Variants in MDN1 observed in about 807,000 individuals in gnomAD.
MDN1 encodes the protein midasin AAA ATPase 1.
Under a neutral mutation model 669.2 loss-of-function variants are expected in MDN1, and 266 were observed. The ratio of observed to expected loss-of-function variants is 0.40; its 90% CI spans 0.36 to 0.44. The LOEUF (loss-of-function observed/expected upper bound fraction) is 0.44. Ranked by LOEUF, MDN1 falls within the 20% of genes least tolerant of loss-of-function variation. The pLI is 1.00. For synonymous variants in MDN1, 2,385 were observed against 2,457.1 expected, an observed-to-expected ratio of 0.97 and a Z score of 0.87; for missense variants, 5,940 against 6,754.0, an observed-to-expected ratio of 0.88 and a Z score of 4.22.
chr6:89,660,177 G>A (rs968428156), intron 88 of MDN1, among the ~76,000 whole-genome samples: 5 of 151,902 alleles, frequency 3.3e-5, no homozygotes, highest in Admixed American at 6.6e-5. Context: ...ATGAACCACC[G>A]CGCCTGGCTA....
At chr6:89,817,571 T>C (rs1267943711) in intron 1 of MDN1, among the ~76,000 whole-genome samples, 1 of 151,982 alleles carries the variant, frequency 6.6e-6, no homozygotes, top group East Asian at 1.9e-4. Context: ...ACAAGTTAAC[T>C]GAGCAGGGCA....
At position 89,729,075 on chromosome 6, in the gene MDN1, A is replaced by G. The variant is rs775850849; in HGVS notation, c.5205T>C (p.Asn1735=). 23 of 1,613,948 alleles carry G rather than the reference A, an allele frequency of 1.4e-5. No individual in the cohort carries two copies. The highest frequency in any genetic ancestry group is 1.9e-5 in the Non-Finnish European group (23 of 1,180,018). Residue 1735 remains asparagine (N), a synonymous_variant, in exon 36 of 102, where the codon AAT becomes AAC. Coordinates refer to ENST00000369393, the MANE Select transcript of MDN1 (RefSeq NM_014611.3). ...TGGTAGCTCTTAAGAGCCTCTGTGCATTCATAGCAGTGGTCCCTGCACTGA... is the reference window on the plus strand; with the variant it reads ...TGGTAGCTCTTAAGAGCCTCTGTGCGTTCATAGCAGTGGTCCCTGCACTGA... ...YALSAGTTAM[N]AQRLLRATKL...
chr6:89,819,759 C>G lies in MDN1; in HGVS notation c.-152G>C, dbSNP rs190256422. The G allele has an allele frequency of 9.0e-5, 58 of 641,864 alleles. No homozygotes were observed. The highest frequency in any genetic ancestry group is 4.6e-4 in the Admixed American group (18 of 39,496). The allele number at this position is 641,864 out of a possible 1,614,324, so 39.8% of individuals were successfully genotyped here. A position where few individuals can be genotyped will look rare whatever the true frequency, so the allele number is the denominator to read the frequency against. On this transcript the variant is annotated 5_prime_UTR_variant, in exon 1 of 102. Coordinates refer to ENST00000369393, the MANE Select transcript of MDN1 (RefSeq NM_014611.3). ...CAGCGCCTACACCGGGAGAGGGGCA[C>G]CACACGTGGGTGAGCACACGGCGTT...
chr6:89,735,207 A>T (rs1195776692), intron 33 of MDN1, among the ~76,000 whole-genome samples: 1 of 151,954 alleles, frequency 6.6e-6, no homozygotes, highest in Non-Finnish European at 1.5e-5. Context: ...TTTTAATGAA[A>T]CAGAATGGTT....
At chr6:89,739,471 TATATCA>T (rs1381938743) in intron 32 of MDN1, among the ~76,000 whole-genome samples, 2 of 152,160 alleles carry the variant, frequency 1.3e-5, no homozygotes, top group Admixed American at 6.5e-5. Context: ...CTAGGCCCAA[TATATCA>T]TTTCAGCTAC....
In MDN1 at chr6:89,718,988, G is replaced by A. The variant is rs1814623408; in HGVS notation, c.6100C>T (p.Pro2034Ser). 1.9e-6 allele frequency: 3 copies of A among 1,614,148 alleles called. No individual in the cohort carries two copies. Among genetic ancestry groups the A allele is most frequent in the Non-Finnish European group, 2.5e-6 (3 of 1,180,020 alleles). ...VLSRGSCVPHPSRHPLLLLHQ... is the reference protein window; with the variant it reads ...VLSRGSCVPHSSRHPLLLLHQ... ...AGGAGCAACAGGGGATGGCGGGACG[G>A]GTGAGGAACACAGCTCCCACGGGAA... Residue 2034 changes from proline to serine, a missense_variant, in exon 42 of 102, where the codon CCG becomes TCG. By Grantham distance (74) the Pro-to-Ser change is moderately conservative. This residue lies in a region of MDN1 where 2,292 missense variants were observed against 2,638.3 expected (regional missense o/e 0.87). Coordinates refer to ENST00000369393, the MANE Select transcript of MDN1 (RefSeq NM_014611.3).
intron 1 of MDN1, among the ~76,000 whole-genome samples, chr6:89,817,885 G>A (rs975346732): frequency 3.9e-5 from 6 of 152,106 alleles, no homozygotes; most frequent in African/African-American, 1.4e-4. Context: ...GCTTAGCAGC[G>A]TCCCTGGCCT....
chr6:89,740,476 T>C, intron 31 of MDN1, 98 bp from the exon 32 acceptor site: 5 of 1,188,246 alleles, frequency 4.2e-6, no homozygotes, highest in Middle Eastern at 2.5e-4. Context: ...GTTATCTTCT[T>C]TCTACTGAAT....
intron 2 of MDN1, among the ~76,000 whole-genome samples, chr6:89,796,134 G>C (rs959183109): frequency 4.0e-5 from 6 of 151,678 alleles, no homozygotes; most frequent in Non-Finnish European, 8.8e-5. Flanking sequence ...AGACCAGCCT[G>C]GCCAACATGG....
chr6:89,716,610 A>G, intron 44 of MDN1, 40 bp downstream of exon 44: 3 of 1,566,484 alleles, frequency 1.9e-6, no homozygotes, highest in Non-Finnish European at 2.6e-6. Context: ...GCATATCCCA[A>G]ATTTCAAGTT....
chr6:89,667,858 AT>A (rs1471070867), intron 84 of MDN1, among the ~76,000 whole-genome samples, 155 bp downstream of exon 84: 2 of 152,176 alleles, frequency 1.3e-5, no homozygotes, highest in Non-Finnish European at 2.9e-5. Flanking sequence ...TAGGCTTTTT[AT>A]TTACACCCAC....
At chr6:89,673,489 A>C (rs1378135134) in intron 79 of MDN1, 27 bp from the exon 80 acceptor site, 8 of 1,601,596 alleles carry the variant, frequency 5.0e-6, no homozygotes, top group Non-Finnish European at 6.8e-6. Flanking sequence ...ACAATGTTGA[A>C]AGGAATGCAT....
intron 90 of MDN1, among the ~76,000 whole-genome samples, 170 bp from the exon 91 acceptor site, chr6:89,656,971 A>G: frequency 6.6e-6 from 1 of 152,214 alleles, no homozygotes; most frequent in Non-Finnish European, 1.5e-5. Context: ...GGCCTGGCCT[A>G]CAGGCAGAAA....
Position 89,662,210 on chromosome 6 carries a change from G to T in MDN1, c.14442C>A (p.Asp4814Glu). 1 of 1,612,246 alleles carries T rather than the reference G, an allele frequency of 6.2e-7. No homozygotes were observed. The highest frequency in any genetic ancestry group is 8.5e-7 in the Non-Finnish European group (1 of 1,179,624). ...TGTTTGAATTGCCACTATCCAAGTT[G>T]TCATCTTTAGCAACAAGTTCAGAAT... ...EEDSELVAKD[D>E]NLDSGNSNKD... Residue 4814 changes from aspartate to glutamate, a missense_variant, in exon 87 of 102, where the codon GAC becomes GAA. This residue lies in a region of MDN1 where 2,280 missense variants were observed against 2,576.3 expected (regional missense o/e 0.88). Coordinates refer to ENST00000369393, the MANE Select transcript of MDN1 (RefSeq NM_014611.3).
At chr6:89,660,540 T>C (rs908547035) in intron 88 of MDN1, among the ~76,000 whole-genome samples, 5 of 152,262 alleles carry the variant, frequency 3.3e-5, no homozygotes, top group African/African-American at 1.2e-4. Flanking sequence ...TTTTAAATAA[T>C]TGTTCCTTAG....
At chr6:89,676,011 T>C in intron 77 of MDN1, 91 bp downstream of exon 77, 4 of 1,123,696 alleles carry the variant, frequency 3.6e-6, no homozygotes, top group Non-Finnish European at 5.3e-6. Context: ...CAGGCTGTTA[T>C]CACTTAACAA....
At chr6:89,698,717 A>G (rs1812944241) in intron 59 of MDN1, 148 bp downstream of exon 59, 1 of 746,160 alleles carries the variant, frequency 1.3e-6, no homozygotes, top group Non-Finnish European at 2.2e-6. Flanking sequence ...TACTGACAGT[A>G]CACTTATTTA....
intron 10 of MDN1, among the ~76,000 whole-genome samples, chr6:89,780,641 CTTTTT>C (rs575664748): frequency 3.0e-5 from 4 of 131,216 alleles, no homozygotes; most frequent in Non-Finnish European, 6.4e-5. Flanking sequence ...ATGCCATTTC[CTTTTT>C]TTTTTTTTTT....
In MDN1 at chr6:89,646,492, G is replaced by A. The variant is rs888670914; in HGVS notation, c.16459+48C>T. 3.3e-6 allele frequency: 5 copies of A among 1,521,258 alleles called. No individual in the cohort carries two copies. The African/African-American group carries it at 6.9e-5, about 21-fold the overall frequency. 94.2% of individuals were successfully genotyped at this position (1,521,258 alleles called of 1,614,324 possible). On this transcript the variant is annotated intron_variant, in intron 100 of 101. Coordinates refer to ENST00000369393, the MANE Select transcript of MDN1 (RefSeq NM_014611.3). ...CTGAAGCAAGCAGCTTGGGAATATA[G>A]AGTACAAGAAAGCATTTTGTTAATG...
Sources: gnomAD v4.1 joint callset for allele counts (sites outside exome capture counted in the v4.1 genomes callset) on GRCh38, gnomAD v4.1.1 for gene constraint, gnomAD v4.1.1 regional missense constraint, MANE v1.5 for transcripts, NCBI Gene and HGNC (gene_info 2026-07-23, HGNC 2026-07-21) for gene names.